Variants in RANBP2 observed in about 807,000 individuals in gnomAD.
RANBP2 encodes the protein E3 SUMO-protein ligase RanBP2.
Under a neutral mutation model 303.6 loss-of-function variants are expected in RANBP2, and 57 were observed. That is an observed-to-expected ratio of 0.19 (90% CI 0.15 to 0.23). The LOEUF (loss-of-function observed/expected upper bound fraction) is 0.23, where lower values mean the gene tolerates loss of function less well. RANBP2 is among the 10% of genes least tolerant of loss of function. RANBP2 has a pLI of 1.00. For missense variants in RANBP2, 3,138 were observed against 3,780.8 expected (o/e 0.83, Z 4.46); for synonymous variants, 1,167 against 1,301.5 (o/e 0.90, Z 2.23).
At chr2:109,051,843 G>T in the RANBP2 span, among the ~76,000 whole-genome samples, 1 of 151,694 alleles carries the variant, frequency 6.6e-6, no homozygotes, top group Non-Finnish European at 1.5e-5. Context: ...CTGCCTCCCA[G>T]GTTCACGCCA....
chr2:109,680,203 A>C, the RANBP2 span, among the ~76,000 whole-genome samples: 5,148 of 149,032 alleles, frequency 0.035, 295 homozygotes, highest in African/African-American at 0.12. Flanking sequence ...AAAAAAAAAA[A>C]TTAGCCGGGC....
At chr2:109,223,687 G>A in the RANBP2 span, among the ~76,000 whole-genome samples, 1 of 152,156 alleles carries the variant, frequency 6.6e-6, no homozygotes, top group South Asian at 2.1e-4. Context: ...TGCCCCCCAC[G>A]TGATGCTGCC....
chr2:109,680,789 G>T, the RANBP2 span, among the ~76,000 whole-genome samples: 1 of 152,172 alleles, frequency 6.6e-6, no homozygotes. Flanking sequence ...TAATAGAGAA[G>T]TAGGACTGTG....
chr2:109,071,563 A>C, the RANBP2 span, among the ~76,000 whole-genome samples: 5 of 152,158 alleles, frequency 3.3e-5, no homozygotes, highest in Non-Finnish European at 5.9e-5. Context: ...AATCCCAGCT[A>C]CTCAGGAGGC....
the RANBP2 span, among the ~76,000 whole-genome samples, chr2:109,664,219 G>A: frequency 3.2e-3 from 482 of 152,250 alleles, 2 homozygotes; most frequent in African/African-American, 0.011. Context: ...AGATGCATAC[G>A]TTATAGAAAT....
chr2:109,467,913 C>T, the RANBP2 span, among the ~76,000 whole-genome samples: 1 of 152,200 alleles, frequency 6.6e-6, no homozygotes, highest in African/African-American at 2.4e-5. Flanking sequence ...GCACCAACAC[C>T]CCAGGGCGCA....
the RANBP2 span, among the ~76,000 whole-genome samples, chr2:108,944,039 T>G: frequency 6.6e-6 from 1 of 152,252 alleles, no homozygotes; most frequent in Non-Finnish European, 1.5e-5. Flanking sequence ...TTCTCAGGAA[T>G]GTACACAGGC....
chr2:108,996,518 G>A, the RANBP2 span, among the ~76,000 whole-genome samples: 3 of 152,180 alleles, frequency 2.0e-5, no homozygotes, highest in South Asian at 2.1e-4. Context: ...AACGGTATGC[G>A]CCATGGACTT....
chr2:109,737,216 C>G, the RANBP2 span: 1 of 805,108 alleles, frequency 1.2e-6, no homozygotes, highest in African/African-American at 1.7e-5. Context: ...CTGTTAGCAA[C>G]TATGCACAAC....
the RANBP2 span, among the ~76,000 whole-genome samples, chr2:109,416,899 C>T: frequency 1.1e-4 from 14 of 130,132 alleles, no homozygotes; most frequent in Middle Eastern, 4.0e-3. Context: ...AGTGAGACTT[C>T]ATCTCAAAAA....
chr2:108,978,801 G>C, the RANBP2 span, among the ~76,000 whole-genome samples: 2 of 152,276 alleles, frequency 1.3e-5, no homozygotes, highest in East Asian at 3.9e-4. Context: ...AATCCATTCT[G>C]AAAGCAGGAG....
the RANBP2 span, among the ~76,000 whole-genome samples, chr2:109,400,865 A>G: frequency 6.6e-6 from 1 of 152,210 alleles, no homozygotes; most frequent in African/African-American, 2.4e-5. Flanking sequence ...CATATTCCCC[A>G]GAGAACAGCC....
the RANBP2 span, among the ~76,000 whole-genome samples, chr2:108,947,430 G>A: frequency 4.6e-4 from 70 of 152,308 alleles, no homozygotes; most frequent in Non-Finnish European, 9.1e-4. Context: ...GCCCCAGTGG[G>A]GACTCTGTGT....
At chr2:109,357,127 T>C in the RANBP2 span, among the ~76,000 whole-genome samples, 2 of 151,156 alleles carry the variant, frequency 1.3e-5, no homozygotes, top group Non-Finnish European at 2.9e-5. Flanking sequence ...GAAAGTTCAC[T>C]AATCATAATT....
In RANBP2 at chr2:108,782,116, C is replaced by T. The variant is rs766686236; in HGVS notation, c.8761-12C>T. The T allele has an allele frequency of 1.2e-5, 19 of 1,612,940 alleles. No individual in the cohort carries two copies. The highest frequency in any genetic ancestry group is 1.6e-4 in the Middle Eastern group (1 of 6,066). ...AGCAGCAGCTTATAGAGAATTTCAT[C>T]TCCTATTATAGGTAGAAGTAAAATC... On this transcript the variant is annotated splice_polypyrimidine_tract_variant and intron_variant, in intron 26 of 28. Coordinates refer to ENST00000283195, the MANE Select transcript of RANBP2 (RefSeq NM_006267.5).
the RANBP2 span, chr2:109,546,251 T>C: frequency 6.6e-7 from 1 of 1,526,232 alleles, no homozygotes; most frequent in Non-Finnish European, 8.8e-7. Context: ...GAAACAAAAG[T>C]GCAATCCCCA....
chr2:108,877,748 CAAAG>C, the RANBP2 span, among the ~76,000 whole-genome samples: 59 of 152,094 alleles, frequency 3.9e-4, no homozygotes, highest in Non-Finnish European at 7.2e-4. Flanking sequence ...TTCTGGTGGC[CAAAG>C]AAAGAACTGC....
At chr2:109,175,294 G>T in the RANBP2 span, among the ~76,000 whole-genome samples, 1 of 152,122 alleles carries the variant, frequency 6.6e-6, no homozygotes, top group African/African-American at 2.4e-5. Context: ...GCTAATCTTT[G>T]CATGGTTTTA....
the RANBP2 span, among the ~76,000 whole-genome samples, chr2:109,687,753 T>C: frequency 6.6e-6 from 1 of 151,504 alleles, no homozygotes; most frequent in Middle Eastern, 3.2e-3. Context: ...TTTTTTTTTT[T>C]TTTTTTTGAA....
Sources: allele counts gnomAD v4.1 joint callset (sites outside exome capture counted in the v4.1 genomes callset), GRCh38; gene constraint gnomAD v4.1.1; transcripts MANE v1.5; gene names NCBI Gene and HGNC (gene_info 2026-07-23, HGNC 2026-07-21).